Variants in ART3 observed in about 807,000 individuals in gnomAD.
ART3 encodes ecto-ADP-ribosyltransferase 3.
Under a neutral mutation model 48.5 loss-of-function variants are expected in ART3, and 49 were observed. That is an observed-to-expected ratio of 1.01 (90% CI 0.80 to 1.28). The LOEUF (loss-of-function observed/expected upper bound fraction) is 1.28, where lower values mean the gene tolerates loss of function less well. Ranked by LOEUF, ART3 falls within the 50% of genes most tolerant of loss-of-function variation. The pLI is 0.00. For synonymous variants in ART3, 145 were observed against 157.2 expected, an observed-to-expected ratio of 0.92 and a Z score of 0.58; for missense variants, 438 against 454.3, an observed-to-expected ratio of 0.96 and a Z score of 0.33.
At chr4:76,055,155 A>G (rs1434307534) in intron 1 of ART3, among the ~76,000 whole-genome samples, 1 of 152,074 alleles carries the variant, frequency 6.6e-6, no homozygotes, top group Admixed American at 6.5e-5. Context: ...TGTGTTTCTT[A>G]CTTCCCTGTT....
chr4:76,082,742 C>CTGCCT (rs559255532), intron 3 of ART3, among the ~76,000 whole-genome samples: 73 of 152,178 alleles, frequency 4.8e-4, no homozygotes, highest in African/African-American at 1.7e-3. Context: ...AAAATTAGCA[C>CTGCCT]TATAAGGCAG....
chr4:76,082,452 T>G lies in ART3; in HGVS notation c.698T>G (p.Val233Gly). 6.2e-7 allele frequency: 1 copy of G among 1,613,556 alleles called. No homozygotes were observed. The change falls in exon 3 of 12, where the codon GTG becomes GGG. Residue 233 changes from valine to glycine, a missense_variant. Val to Gly is a moderately radical substitution (Grantham distance 109). Transcript: ENST00000355810. ...ATACCTCTGAATGAGGTTTTTCAAG[T>G]GTCACAGGAGGGGGCTGGCAATAAC... is the stretch of plus-strand genomic sequence containing the variant. ...TLIPLNEVFQ[V>G]SQEGAGNNLI... is the part of the protein sequence containing the mutation.
chr4:76,032,541 A>G (rs1311012290), intron 1 of ART3, among the ~76,000 whole-genome samples: 1 of 151,764 alleles, frequency 6.6e-6, no homozygotes, highest in Non-Finnish European at 1.5e-5. Context: ...AGAGACTTAA[A>G]AAAAAAATCA....
chr4:76,037,378 CTG>C (rs1734533274), intron 1 of ART3, among the ~76,000 whole-genome samples: 2 of 152,050 alleles, frequency 1.3e-5, no homozygotes, highest in African/African-American at 4.8e-5. Context: ...AACTGGTAAT[CTG>C]TAATTTTTAA....
intron 1 of ART3, among the ~76,000 whole-genome samples, chr4:76,052,826 T>G (rs529489423): frequency 1.1e-4 from 16 of 151,860 alleles, no homozygotes; most frequent in African/African-American, 3.9e-4. Context: ...GCAAACAGAT[T>G]CAAGCAATTC....
At chr4:76,039,539 G>A (rs1476191531) in intron 1 of ART3, among the ~76,000 whole-genome samples, 1 of 152,066 alleles carries the variant, frequency 6.6e-6, no homozygotes, top group African/African-American at 2.4e-5. Flanking sequence ...CATTGTTATA[G>A]CATATAAAAA....
In ART3 at chr4:76,025,853, G is replaced by T. The variant is rs74957433; in HGVS notation, c.-10+14533G>T. On this transcript the variant is annotated intron_variant, in intron 1 of 9. Transcript: ENST00000341029. ...TTATTATATATAAAGCTGCTACGAA[G>T]ATTTTTTTATAATTTTTTTTCTGGG... 2.7e-3 allele frequency among the ~76,000 whole-genome samples: 410 copies of T among 152,202 alleles called. 7 individuals carry two copies. In the East Asian group the frequency reaches 0.054, roughly 20 times the overall value.
intron 10 of ART3, 85 bp downstream of exon 10, chr4:76,104,714 C>A: frequency 6.8e-7 from 1 of 1,462,238 alleles, no homozygotes; most frequent in Non-Finnish European, 9.3e-7. Flanking sequence ...ACTTTCTATG[C>A]CTCATAATTG....
intron 1 of ART3, among the ~76,000 whole-genome samples, chr4:76,020,386 C>A (rs1732686041): frequency 6.6e-6 from 1 of 152,202 alleles, no homozygotes; most frequent in Non-Finnish European, 1.5e-5. Context: ...GCATGAGCCA[C>A]CACACCCAGC....
chr4:76,015,655 C>T (rs906551007), intron 1 of ART3, among the ~76,000 whole-genome samples: 17 of 152,312 alleles, frequency 1.1e-4, no homozygotes, highest in African/African-American at 4.1e-4. Flanking sequence ...TTTGTTGAGA[C>T]AGGGCCTCAC....
chr4:76,041,570 C>T (rs1734977562), intron 1 of ART3, among the ~76,000 whole-genome samples: 1 of 151,782 alleles, frequency 6.6e-6, no homozygotes, highest in South Asian at 2.1e-4. Flanking sequence ...TAAAAAGAAA[C>T]AGATGAAATT....
intron 1 of ART3, among the ~76,000 whole-genome samples, chr4:76,020,131 T>C (rs1468316468): frequency 2.0e-5 from 3 of 152,104 alleles, no homozygotes; most frequent in East Asian, 1.9e-4. Flanking sequence ...TTTTTCTTCT[T>C]TTTTTTTCTT....
chr4:76,104,458 A>T, intron 9 of ART3, 139 bp from the exon 10 acceptor site: 2 of 1,470,398 alleles, frequency 1.4e-6, no homozygotes, highest in Admixed American at 5.1e-5. Flanking sequence ...ACGTAAGCAG[A>T]ACTTTTAAAT....
chr4:76,011,545 C>T (rs1179743122), intron 1 of ART3, among the ~76,000 whole-genome samples: 1 of 152,188 alleles, frequency 6.6e-6, no homozygotes, highest in Non-Finnish European at 1.5e-5. Context: ...TAACCCTGGG[C>T]CGTGGGCTTC....
At chr4:76,087,546 G>T (rs1010970228) in intron 3 of ART3, among the ~76,000 whole-genome samples, 2 of 152,140 alleles carry the variant, frequency 1.3e-5, no homozygotes, top group African/African-American at 4.8e-5. Context: ...ATTAAAAAAA[G>T]ACAATGTTTC....
intron 1 of ART3, among the ~76,000 whole-genome samples, chr4:76,040,619 G>A (rs1452629267): frequency 6.9e-6 from 1 of 145,002 alleles, no homozygotes; most frequent in Non-Finnish European, 1.5e-5. Flanking sequence ...TTTCCTCTGT[G>A]AGGAAGACTA....
intron 1 of ART3, among the ~76,000 whole-genome samples, chr4:76,011,674 C>T (rs749208416): frequency 6.6e-6 from 1 of 152,182 alleles, no homozygotes; most frequent in Non-Finnish European, 1.5e-5. Flanking sequence ...AGATAGCAAG[C>T]GGAATGGGAG....
chr4:76,088,248 CTT>C (rs33947322), intron 3 of ART3, among the ~76,000 whole-genome samples: 126 of 147,420 alleles, frequency 8.5e-4, no homozygotes, highest in Admixed American at 1.4e-3. Flanking sequence ...CCTGAACTCT[CTT>C]TTTTTTTTTT....
chr4:76,079,577 G>C (rs1176707739), intron 2 of ART3, among the ~76,000 whole-genome samples: 1 of 152,148 alleles, frequency 6.6e-6, no homozygotes, highest in Non-Finnish European at 1.5e-5. Flanking sequence ...TTGAGAGTTA[G>C]AAAATACGTA....
Sources: gnomAD v4.1 joint callset for allele counts (sites outside exome capture counted in the v4.1 genomes callset) on GRCh38, gnomAD v4.1.1 for gene constraint, MANE v1.5 for transcripts, NCBI Gene and HGNC (gene_info 2026-07-23, HGNC 2026-07-21) for gene names.